ATAD3C: variants seen among roughly 807,000 people sequenced by gnomAD.
ATAD3C encodes ATPase family AAA domain containing 3C.
Under a neutral mutation model 46.3 loss-of-function variants are expected in ATAD3C, and 38 were observed. The ratio of observed to expected loss-of-function variants is 0.82; its 90% CI spans 0.63 to 1.08. The LOEUF (loss-of-function observed/expected upper bound fraction) is 1.08, where lower values mean the gene tolerates loss of function less well. ATAD3C is among the 50% of genes least tolerant of loss of function. The pLI, the probability that ATAD3C is intolerant of heterozygous loss-of-function variation, is 0.00. For synonymous variants in ATAD3C, 220 were observed against 236.4 expected, an observed-to-expected ratio of 0.93 and a Z score of 0.63; for missense variants, 563 against 572.7, an observed-to-expected ratio of 0.98 and a Z score of 0.17.
intron 8 of ATAD3C, among the ~76,000 whole-genome samples, chr1:1,457,620 A>C (rs1199562091): frequency 1.3e-5 from 2 of 150,748 alleles, no homozygotes; most frequent in African/African-American, 4.9e-5. Context: ...AAAAACAAAA[A>C]AAACAGCATT....
At position 1,468,380 on chromosome 1, in the gene ATAD3C, C is replaced by A; in HGVS notation, c.1090-4C>A. On this transcript the variant is annotated splice_region_variant and splice_polypyrimidine_tract_variant and intron_variant, in intron 11 of 11. Coordinates refer to ENST00000378785, the MANE Select transcript of ATAD3C (RefSeq NM_001039211.3). ...CCTCCCTCAGCTCCCTCTCTCCCCA[C>A]TAGGCCACGGCGTATGCCTCCAAGG... 6.2e-7 allele frequency: 1 copy of A among 1,607,496 alleles called. No individual in the cohort carries two copies. Among genetic ancestry groups the A allele is most frequent in the African/African-American group, 1.3e-5 (1 of 74,640 alleles).
chr1:1,457,621 A>AAAAC (rs1557778690), intron 8 of ATAD3C, among the ~76,000 whole-genome samples: 3 of 150,798 alleles, frequency 2.0e-5, no homozygotes, highest in African/African-American at 7.3e-5. Flanking sequence ...AAAACAAAAA[A>AAAAC]AACAGCATTT....
intron 8 of ATAD3C, among the ~76,000 whole-genome samples, chr1:1,458,565 C>T (rs1244144423): frequency 1.3e-5 from 2 of 151,780 alleles, no homozygotes; most frequent in Non-Finnish European, 2.9e-5. Context: ...CAGGCGTGAG[C>T]CACCGCGCCA....
chr1:1,453,482 G>A (rs993354093), intron 3 of ATAD3C, among the ~76,000 whole-genome samples: 11 of 151,690 alleles, frequency 7.3e-5, no homozygotes, highest in African/African-American at 2.4e-4. Flanking sequence ...GATTACAGGT[G>A]TGTACCACCA....
At chr1:1,454,624 G>A (rs920296958) in intron 4 of ATAD3C, 124 bp downstream of exon 4, 70 of 1,434,722 alleles carry the variant, frequency 4.9e-5, no homozygotes, top group South Asian at 2.1e-4. Flanking sequence ...GCACCCGCAC[G>A]CTGCTTCACG....
rs1638878466 is a variant in ATAD3C at position 1,452,430 on chromosome 1, C to T, written c.218C>T (p.Ala73Val). ...GTGACAGACCGGGACAAAGTGACAG[C>T]CACGGTAAACATACTCATAAAACAG... ...AFVTDRDKVT[A>V]TVAGLTLLAV... The change falls in exon 3 of 12, where the codon GCC (alanine) becomes GTC (valine). Residue 73 changes from alanine (A) to valine (V), a missense_variant. This residue lies in a region of ATAD3C where 263 missense variants were observed against 243.1 expected (regional missense o/e 1.08). Transcript: ENST00000378785. 6.2e-7 allele frequency: 1 copy of T among 1,613,712 alleles called. No homozygotes were observed. The highest frequency in any genetic ancestry group is 8.5e-7 in the Non-Finnish European group (1 of 1,179,732).
At chr1:1,464,261 C>G (rs1188240150) in intron 11 of ATAD3C, among the ~76,000 whole-genome samples, 1 of 151,318 alleles carries the variant, frequency 6.6e-6, no homozygotes, top group Admixed American at 6.6e-5. Context: ...GCCATAACCA[C>G]TGGGGCGTGT....
At chr1:1,468,249 G>A in intron 11 of ATAD3C, 135 bp from the exon 12 acceptor site, 1 of 1,389,648 alleles carries the variant, frequency 7.2e-7, no homozygotes, top group Middle Eastern at 2.6e-4. Context: ...CTGCCGAGGT[G>A]CGGGTAGCCT....
Position 1,468,748 on chromosome 1 carries a change from A to T in ATAD3C, c.*218A>T, listed in dbSNP as rs774826480. On this transcript the variant is annotated 3_prime_UTR_variant, in exon 12 of 12. Transcript: ENST00000378785. ...GGCAGAAGCTGGGGCTTTCTGGAGG[A>T]TTTAACCACAGAGGGGTGGGCTTCA... 115 of 853,148 alleles carry T rather than the reference A, an allele frequency of 1.3e-4. 2 individuals carry two copies. Among genetic ancestry groups the T allele is most frequent in the Non-Finnish European group, 1.9e-4 (109 of 565,408 alleles). The allele number at this position is 853,148 out of a possible 1,614,324, so 52.8% of individuals were successfully genotyped here.
At chr1:1,460,680 G>A in intron 9 of ATAD3C, 70 bp from the exon 10 acceptor site, 2 of 1,484,872 alleles carry the variant, frequency 1.3e-6, no homozygotes, top group Non-Finnish European at 9.0e-7. Context: ...GGGGGCTGAG[G>A]AGCACCTGTT....
At position 1,452,040 on chromosome 1, in the gene ATAD3C, T is replaced by C. The variant is rs563980453; in HGVS notation, c.76-6T>C. The C allele has an allele frequency of 1.5e-5, 25 of 1,613,490 alleles. No individual in the cohort carries two copies. The highest frequency in any genetic ancestry group is 2.1e-5 in the Non-Finnish European group (25 of 1,179,564). ...GCTTTTCTCTTTTTCTGCGGCTTCTTCTCAGCAACTTGTCAATGAGGATTT... is the reference window on the plus strand; with the variant it reads ...GCTTTTCTCTTTTTCTGCGGCTTCTCCTCAGCAACTTGTCAATGAGGATTT... On this transcript the variant is annotated splice_polypyrimidine_tract_variant and splice_region_variant and intron_variant, in intron 1 of 11. Transcript: ENST00000378785.
intron 1 of ATAD3C, among the ~76,000 whole-genome samples, chr1:1,451,209 T>G (rs1015573491): frequency 6.6e-6 from 1 of 150,992 alleles, no homozygotes. Flanking sequence ...CCCAGCTAAT[T>G]TTTTTTGTAT....
chr1:1,464,513 G>A (rs778589931), intron 11 of ATAD3C, among the ~76,000 whole-genome samples: 1 of 151,962 alleles, frequency 6.6e-6, no homozygotes, highest in Non-Finnish European at 1.5e-5. Flanking sequence ...GCTCACGCCT[G>A]TAATCCCAGC....
At chr1:1,458,919 C>G (rs1214248687) in intron 8 of ATAD3C, among the ~76,000 whole-genome samples, 2 of 151,754 alleles carry the variant, frequency 1.3e-5, no homozygotes, top group African/African-American at 4.8e-5. Flanking sequence ...CGGGGTCTCA[C>G]CATGTTGGCC....
chr1:1,452,493 C>G, intron 3 of ATAD3C, 59 bp downstream of exon 3: 1 of 1,611,046 alleles, frequency 6.2e-7, no homozygotes, highest in Non-Finnish European at 8.5e-7. Flanking sequence ...GTGGGGGCCT[C>G]CTGGAGCCAC....
At position 1,459,187 on chromosome 1, in the gene ATAD3C, C is replaced by T; in HGVS notation, c.768C>T (p.Ala256=). The T allele has an allele frequency of 1.9e-6, 3 of 1,612,616 alleles. No individual in the cohort carries two copies. Among genetic ancestry groups the T allele is most frequent in the South Asian group, 2.2e-5 (2 of 90,984 alleles). The stretch of plus-strand genomic sequence containing the variant: ...AGAAGATAAGCGAGGACCTCAGGGC[C>T]ACACTGAACGCCTTCCTGTACCGCA... ...ATEKISEDLR[A]TLNAFLYRTG... The change falls in exon 9 of 12, where the codon GCC becomes GCT. Residue 256 remains alanine (A), a synonymous_variant. Transcript: ENST00000378785. This position sits in a 1 kb window ranked among gnomAD's most constrained non-coding sequence, Gnocchi z 4.9.
rs1639085236 is a variant in ATAD3C, at chr1:1,462,544, C to T, written c.981-56C>T. On this transcript the variant is annotated intron_variant, in intron 10 of 11. Coordinates refer to ENST00000378785, the MANE Select transcript of ATAD3C (RefSeq NM_001039211.3). The surrounding 1 kb of genome is among the most constrained non-coding windows in gnomAD (Gnocchi z 4.5). ...CTGGCTGCCTGTCTTCCGGCCTCCA[C>T]CTCGTGGTGTGGGAGCTGCTGCCTT... 1 of 1,500,592 alleles carries T rather than the reference C, an allele frequency of 6.7e-7. No individual in the cohort carries two copies. Among genetic ancestry groups the T allele is most frequent in the South Asian group, 1.2e-5 (1 of 83,372 alleles). The allele number at this position is 1,500,592 out of a possible 1,614,324, so 93.0% of individuals were successfully genotyped here.
chr1:1,463,938 C>T (rs1639107893), intron 11 of ATAD3C, among the ~76,000 whole-genome samples: 1 of 151,494 alleles, frequency 6.6e-6, no homozygotes, highest in African/African-American at 2.4e-5. Context: ...TTGGTCATGG[C>T]TTATGCCTGT....
In ATAD3C at chr1:1,457,161, T is replaced by G. The variant is rs762778463; in HGVS notation, c.722T>G (p.Phe241Cys). The G allele has an allele frequency of 5.6e-6, 9 of 1,613,460 alleles. No individual in the cohort carries two copies. The highest frequency in any genetic ancestry group is 7.6e-6 in the Non-Finnish European group (9 of 1,179,648). ...CTCTTTGTGGATGAAGCGGACGCCT[T>G]CCTTCGGAAGCGAGCCACTGTGAGT... is the stretch of plus-strand genomic sequence containing the variant. ...LLLFVDEADA[F>C]LRKRATEKIS... is the part of the protein sequence containing the mutation. The change falls in exon 8 of 12, where the codon TTC (phenylalanine) becomes TGC (cysteine). Residue 241 changes from phenylalanine to cysteine, a missense_variant. Coordinates refer to ENST00000378785, the MANE Select transcript of ATAD3C (RefSeq NM_001039211.3).
Sources: gnomAD v4.1 joint callset for allele counts (sites outside exome capture counted in the v4.1 genomes callset) on GRCh38, gnomAD v4.1.1 for gene constraint, gnomAD v4.1.1 regional missense constraint, Gnocchi (gnomAD v3.1) non-coding constraint, MANE v1.5 for transcripts, NCBI Gene and HGNC (gene_info 2026-07-23, HGNC 2026-07-21) for gene names.